The following ABCA4 variants were observed in gnomAD, a reference collection of about 807,000 sequenced individuals.
ABCA4 encodes the protein retinal-specific phospholipid-transporting ATPase ABCA4.
A neutral mutation model predicts 263.7 loss-of-function variants in ABCA4; 196 were observed. That is an observed-to-expected ratio of 0.74 (90% confidence interval 0.66 to 0.84). The LOEUF (loss-of-function observed/expected upper bound fraction) is 0.84. ABCA4 is among the 40% of genes least tolerant of loss of function. The pLI is 0.00. For synonymous variants in ABCA4, 1,133 were observed against 1,094.2 expected, an observed-to-expected ratio of 1.04 and a Z score of -0.70; for missense variants, 2,792 against 2,855.1, an observed-to-expected ratio of 0.98 and a Z score of 0.50.
intron 7 of ABCA4, among the ~76,000 whole-genome samples, chr1:94,082,447 A>T (rs1661726064): frequency 6.6e-6 from 1 of 152,272 alleles, no homozygotes; most frequent in East Asian, 1.9e-4. Flanking sequence ...AGTGATATAA[A>T]TTTTTTTAAT....
chr1:94,035,748 G>A (rs113520448), intron 26 of ABCA4, among the ~76,000 whole-genome samples: 2,786 of 152,282 alleles, frequency 0.018, 94 homozygotes, highest in African/African-American at 0.062. Flanking sequence ...TGGACACCTC[G>A]TGTTCTATCA....
rs545175851 is a variant in ABCA4, at chr1:94,102,856, G to A, written c.570+159C>T. Among the ~76,000 whole-genome samples, 3 of 152,324 alleles carry A rather than the reference G, an allele frequency of 2.0e-5. No homozygotes were observed. In the South Asian group the frequency reaches 6.2e-4, roughly 32 times the overall value. On this transcript the variant is annotated intron_variant, in intron 5 of 49. Coordinates refer to ENST00000370225, the MANE Select transcript of ABCA4 (RefSeq NM_000350.3). ...ATGTTGAAAATGATCACGATCTCAAGTGATCCCCCGGTTTTTTTCTAAATA... is the reference window on the plus strand; with the variant it reads ...ATGTTGAAAATGATCACGATCTCAAATGATCCCCCGGTTTTTTTCTAAATA...
chr1:94,091,601 ACAC>A (rs1661969757), intron 6 of ABCA4, among the ~76,000 whole-genome samples: 1 of 89,198 alleles, frequency 1.1e-5, no homozygotes, highest in South Asian at 2.8e-4. Flanking sequence ...ACACACACAC[ACAC>A]ACACACACAC....
chr1:94,006,966 A>G (rs1232730040), intron 43 of ABCA4, among the ~76,000 whole-genome samples: 1 of 152,238 alleles, frequency 6.6e-6, no homozygotes, highest in Admixed American at 6.5e-5. Flanking sequence ...TCCTGCCCAT[A>G]GGGGACCAGT....
intron 6 of ABCA4, among the ~76,000 whole-genome samples, chr1:94,095,141 C>T (rs1570419341): frequency 6.6e-6 from 1 of 152,146 alleles, no homozygotes; most frequent in African/African-American, 2.4e-5. Flanking sequence ...TGAGTGTACG[C>T]GCGGGGATGG....
chr1:94,005,688 T>C (rs1274553849), intron 43 of ABCA4, 106 bp from the exon 44 acceptor site: 1 of 1,134,704 alleles, frequency 8.8e-7, no homozygotes, highest in Non-Finnish European at 1.3e-6. Flanking sequence ...AGCTGCTTCT[T>C]CTCTTCTCCT....
chr1:94,091,813 T>C (rs1425366867), intron 6 of ABCA4, among the ~76,000 whole-genome samples: 1 of 152,328 alleles, frequency 6.6e-6, no homozygotes, highest in African/African-American at 2.4e-5. Flanking sequence ...TAGGCCTTGA[T>C]CCTGTGCTTA....
chr1:94,067,056 A>C (rs1661286492), intron 11 of ABCA4, among the ~76,000 whole-genome samples: 1 of 152,110 alleles, frequency 6.6e-6, no homozygotes, highest in African/African-American at 2.4e-5. Flanking sequence ...TGGTCTCTAG[A>C]ATAGCATTTT....
intron 17 of ABCA4, among the ~76,000 whole-genome samples, chr1:94,049,895 T>A (rs1660787357): frequency 6.6e-6 from 1 of 151,862 alleles, no homozygotes; most frequent in Non-Finnish European, 1.5e-5. Flanking sequence ...TAAAAAGATA[T>A]CAGGACATCC....
intron 14 of ABCA4, among the ~76,000 whole-genome samples, chr1:94,057,674 C>T (rs1162876661): frequency 6.6e-6 from 1 of 152,218 alleles, no homozygotes; most frequent in African/African-American, 2.4e-5. Context: ...GCTGGCAGTA[C>T]TCAGTAACTT....
chr1:94,032,809 G>T (rs1660240873), intron 26 of ABCA4, among the ~76,000 whole-genome samples: 1 of 152,158 alleles, frequency 6.6e-6, no homozygotes, highest in African/African-American at 2.4e-5. Flanking sequence ...AATGTCCACC[G>T]ACTGTCAGCA....
chr1:94,046,280 TAAAAAAA>T (rs11289565), intron 19 of ABCA4, among the ~76,000 whole-genome samples: 1 of 77,092 alleles, frequency 1.3e-5, no homozygotes, highest in African/African-American at 4.7e-5. Context: ...CTGTCTGTAC[TAAAAAAA>T]AAAAAAAAAA....
chr1:94,071,584 A>G (rs1441395827), intron 11 of ABCA4, among the ~76,000 whole-genome samples: 1 of 152,200 alleles, frequency 6.6e-6, no homozygotes, highest in East Asian at 1.9e-4. Context: ...TTTTAATTCT[A>G]TAAAATGACA....
At chr1:94,045,475 C>T (rs1445913695) in intron 19 of ABCA4, among the ~76,000 whole-genome samples, 1 of 152,118 alleles carries the variant, frequency 6.6e-6, no homozygotes, top group Non-Finnish European at 1.5e-5. Context: ...ATTGTTTTAA[C>T]CCCTGGGGGA....
Position 94,029,686 on chromosome 1 carries a change from C to T in ABCA4, c.4353-55G>A. On this transcript the variant is annotated intron_variant, in intron 29 of 49. Transcript: ENST00000370225. ...TCAGCCTCAAAGTTGCTGACAAATCCCTAGGCATAAGAAATTGTGCCCAAC... is the reference window on the plus strand; with the variant it reads ...TCAGCCTCAAAGTTGCTGACAAATCTCTAGGCATAAGAAATTGTGCCCAAC... The T allele has an allele frequency of 3.3e-6, 5 of 1,538,232 alleles. No individual in the cohort carries two copies. The South Asian group carries it at 5.8e-5, about 18-fold the overall frequency.
At chr1:94,102,821 T>G (rs1400361171) in intron 5 of ABCA4, among the ~76,000 whole-genome samples, 194 bp downstream of exon 5, 1 of 152,218 alleles carries the variant, frequency 6.6e-6, no homozygotes, top group Non-Finnish European at 1.5e-5. Context: ...TGTGTACAGC[T>G]TCGAATCCTA....
intron 13 of ABCA4, chr1:94,061,586 A>G (rs1170229017): frequency 6.6e-6 from 1 of 152,474 alleles, no homozygotes; most frequent in Non-Finnish European, 1.5e-5. Context: ...TTCGTAAAGC[A>G]TGCACTTCTG....
chr1:94,039,719 A>C (rs114658756), intron 24 of ABCA4, among the ~76,000 whole-genome samples: 1,713 of 152,326 alleles, frequency 0.011, 10 homozygotes, highest in Non-Finnish European at 0.018. Context: ...CATGTAGAAG[A>C]AGCTCTCCCC....
intron 30 of ABCA4, 95 bp downstream of exon 30, chr1:94,029,350 A>G: frequency 8.2e-7 from 1 of 1,220,502 alleles, no homozygotes; most frequent in Non-Finnish European, 1.1e-6. Context: ...CCAGTTTGAA[A>G]TGTTAGTTTG....
Sources: gnomAD v4.1 joint callset for allele counts (sites outside exome capture counted in the v4.1 genomes callset) on GRCh38, gnomAD v4.1.1 for gene constraint, MANE v1.5 for transcripts, NCBI Gene and HGNC (gene_info 2026-07-23, HGNC 2026-07-21) for gene names.